Variants in ABHD12B observed in about 807,000 individuals in gnomAD.
ABHD12B encodes the protein protein ABHD12B.
ABHD12B carries 42 observed loss-of-function variants against 50.4 expected under a neutral mutation model. The ratio of observed to expected loss-of-function variants is 0.83; its 90% CI spans 0.65 to 1.08. The LOEUF (loss-of-function observed/expected upper bound fraction) is 1.08. Ranked by LOEUF, ABHD12B falls within the 50% of genes least tolerant of loss-of-function variation. ABHD12B has a pLI of 0.00. For synonymous variants in ABHD12B, 167 were observed against 160.3 expected (o/e 1.04, Z -0.32); for missense variants, 479 against 447.7 (o/e 1.07, Z -0.63).
At chr14:50,898,740 A>C (rs549924348) in intron 9 of ABHD12B, among the ~76,000 whole-genome samples, 5 of 152,342 alleles carry the variant, frequency 3.3e-5, no homozygotes, top group African/African-American at 9.6e-5. Flanking sequence ...CCAGAAGACA[A>C]AAGAGAAAAC....
Position 50,885,795 on chromosome 14 carries a change from G to C in ABHD12B, c.562G>C (p.Glu188Gln), listed in dbSNP as rs143449264. Residue 188 changes from glutamate to glutamine, a missense_variant, in exon 7 of 13, where the codon GAG becomes CAG. Physicochemically the swap from Glu to Gln is conservative, Grantham distance 29 (BLOSUM62 2). Coordinates refer to ENST00000337334, the MANE Select transcript of ABHD12B (RefSeq NM_001206673.2). ...TGGGGACTCTACAGGTAAGCCCACA[G>C]AGGAGGGACTGACTACGGATGCCAT... ...GFGDSTGKPT[E>Q]EGLTTDAICV... 1.7e-5 allele frequency: 28 copies of C among 1,614,078 alleles called. No individual in the cohort carries two copies. Among genetic ancestry groups the C allele is most frequent in the Non-Finnish European group, 2.4e-5 (28 of 1,180,036 alleles).
intron 10 of ABHD12B, among the ~76,000 whole-genome samples, chr14:50,903,116 T>G (rs74051840): frequency 1.9e-4 from 18 of 95,620 alleles, no homozygotes; most frequent in Middle Eastern, 6.8e-3. Flanking sequence ...TTTTGTTTTT[T>G]TTTTTTAGTA....
chr14:50,902,779 C>G (rs1397890118), intron 10 of ABHD12B, among the ~76,000 whole-genome samples: 1 of 152,120 alleles, frequency 6.6e-6, no homozygotes, highest in Non-Finnish European at 1.5e-5. Flanking sequence ...TTTGGGGGGA[C>G]AGGGAAGCAT....
chr14:50,903,196 G>A (rs1179867814), intron 10 of ABHD12B, among the ~76,000 whole-genome samples, 193 bp from the exon 11 acceptor site: 1 of 151,502 alleles, frequency 6.6e-6, no homozygotes, highest in African/African-American at 2.4e-5. Flanking sequence ...TGGGAGAGAG[G>A]GAAACTTGCA....
intron 9 of ABHD12B, chr14:50,895,522 T>C (rs1439485448): frequency 6.6e-5 from 10 of 152,114 alleles, no homozygotes; most frequent in Non-Finnish European, 1.2e-4. Context: ...CCCATCTCTC[T>C]GGGACCCCAC....
At chr14:50,901,739 CTG>C in intron 9 of ABHD12B, 88 bp from the exon 10 acceptor site, 1 of 742,490 alleles carries the variant, frequency 1.3e-6, no homozygotes, top group Non-Finnish European at 2.0e-6. Flanking sequence ...GCACTACTCT[CTG>C]TGTTACCCTG....
At chr14:50,872,586 C>A (rs1198582888) in intron 1 of ABHD12B, among the ~76,000 whole-genome samples, 1 of 152,190 alleles carries the variant, frequency 6.6e-6, no homozygotes, top group East Asian at 1.9e-4. Context: ...AATTCCTACA[C>A]CAATCTCTAT....
intron 2 of ABHD12B, 89 bp downstream of exon 2, chr14:50,878,168 C>T: frequency 2.6e-6 from 3 of 1,145,098 alleles, no homozygotes; most frequent in Non-Finnish European, 3.5e-6. Flanking sequence ...AGTGAAAAGA[C>T]ATGTCAGCTG....
At chr14:50,880,078 C>T (rs2049918030) in intron 3 of ABHD12B, among the ~76,000 whole-genome samples, 1 of 152,218 alleles carries the variant, frequency 6.6e-6, no homozygotes, top group African/African-American at 2.4e-5. Context: ...TCCTACTTAT[C>T]TCTTCGGCCG....
intron 8 of ABHD12B, among the ~76,000 whole-genome samples, chr14:50,887,210 T>TAAAAAAAAAAAAA (rs1566488660): frequency 2.1e-3 from 1 of 476 alleles, no homozygotes; most frequent in African/African-American, 7.2e-3. Flanking sequence ...AGAGTCTGTC[T>TAAAAAAAAAAAAA]CAAAAAAAAA....
At chr14:50,893,852 CCTTCT>C (rs1420998778) in intron 9 of ABHD12B, 2 of 152,562 alleles carry the variant, frequency 1.3e-5, no homozygotes, top group Non-Finnish European at 2.9e-5. Flanking sequence ...TCAATCTCTC[CCTTCT>C]CTTAATTTCA....
chr14:50,894,156 G>A (rs2050159910), intron 9 of ABHD12B, among the ~76,000 whole-genome samples: 1 of 138,750 alleles, frequency 7.2e-6, no homozygotes. Flanking sequence ...GGAGGGGCAA[G>A]TACCCCTCAA....
intron 2 of ABHD12B, among the ~76,000 whole-genome samples, 161 bp from the exon 3 acceptor site, chr14:50,878,584 G>A (rs1385889446): frequency 6.6e-6 from 1 of 152,142 alleles, no homozygotes. Flanking sequence ...TCCTCTGCAG[G>A]CTAGTCCTAG....
At chr14:50,872,302 T>C in intron 1 of ABHD12B, 24 bp downstream of exon 1, 1 of 1,271,286 alleles carries the variant, frequency 7.9e-7, no homozygotes, top group Non-Finnish European at 9.9e-7. Context: ...GGTCCACCCC[T>C]GGCCGGGCCC....
At chr14:50,892,045 T>A (rs985713290) in intron 9 of ABHD12B, 1 of 152,222 alleles carries the variant, frequency 6.6e-6, no homozygotes, top group Non-Finnish European at 1.5e-5. Context: ...GAAATACACT[T>A]GTCATGTTCT....
In ABHD12B at chr14:50,904,602, C is replaced by T. The variant is rs1201215577; in HGVS notation, c.*236C>T. The T allele has an allele frequency of 3.4e-5, 20 of 583,740 alleles. No individual in the cohort carries two copies. The South Asian group carries it at 3.8e-4, about 11-fold the overall frequency. The allele number at this position is 583,740 out of a possible 1,614,324, so 36.2% of individuals were successfully genotyped here. A position where few individuals can be genotyped will look rare whatever the true frequency, so the allele number is the denominator to read the frequency against. On this transcript the variant is annotated 3_prime_UTR_variant, in exon 13 of 13. Coordinates refer to ENST00000337334, the MANE Select transcript of ABHD12B (RefSeq NM_001206673.2). ...CATGCTGAAACCTCACTGTGGAGAA[C>T]CAGAATTTGGTAAAATCTAGATCCT...
intron 9 of ABHD12B, among the ~76,000 whole-genome samples, chr14:50,900,644 G>C (rs766104031): frequency 6.6e-5 from 10 of 152,240 alleles, no homozygotes; most frequent in Non-Finnish European, 1.5e-4. Context: ...ACCTGCCTGA[G>C]ATGAAGCCAG....
chr14:50,894,252 CG>C (rs1285708773), intron 9 of ABHD12B, among the ~76,000 whole-genome samples: 1 of 149,956 alleles, frequency 6.7e-6, no homozygotes, highest in East Asian at 2.0e-4. Flanking sequence ...TCACCCTTAG[CG>C]GCAAGTCCCG....
At chr14:50,900,139 G>T (rs1310045902) in intron 9 of ABHD12B, among the ~76,000 whole-genome samples, 4 of 152,030 alleles carry the variant, frequency 2.6e-5, no homozygotes, top group Non-Finnish European at 5.9e-5. Flanking sequence ...GGCTGAGGAG[G>T]GAGGACTGCT....
Sources: allele counts gnomAD v4.1 joint callset (sites outside exome capture counted in the v4.1 genomes callset), GRCh38; gene constraint gnomAD v4.1.1; transcripts MANE v1.5; gene names NCBI Gene and HGNC (gene_info 2026-07-23, HGNC 2026-07-21).